The following RAP1GAP variants were observed in gnomAD, a reference collection of about 807,000 sequenced individuals.
RAP1GAP encodes RAP1 GTPase activating protein, also known as rap1 GTPase-activating protein 1.
RAP1GAP carries 35 observed loss-of-function variants against 87.2 expected under a neutral mutation model. That is an observed-to-expected ratio of 0.40 (90% CI 0.31 to 0.53). RAP1GAP has a LOEUF of 0.53. Among genes scored for constraint, RAP1GAP ranks in the 20% least tolerant of loss-of-function variants. The pLI, the probability that RAP1GAP is intolerant of heterozygous loss-of-function variation, is 0.48. For missense variants in RAP1GAP, 734 were observed against 898.9 expected (o/e 0.82, Z 2.35); for synonymous variants, 375 against 363.9 (o/e 1.03, Z -0.35).
chr1:21,620,127 C>G, intron 3 of RAP1GAP, 77 bp from the exon 4 acceptor site: 1 of 1,509,738 alleles, frequency 6.6e-7, no homozygotes, highest in Non-Finnish European at 9.2e-7. Flanking sequence ...CCCCGGCCCT[C>G]CGGGTCCCAC....
chr1:21,664,057 C>T lies in RAP1GAP; in HGVS notation c.-149+5197G>A, dbSNP rs530086683. Among the ~76,000 whole-genome samples, 193 of 152,296 alleles carry T rather than the reference C, an allele frequency of 1.3e-3. 1 individual carries two copies. Among genetic ancestry groups the T allele is most frequent in the African/African-American group, 4.2e-3 (176 of 41,562 alleles). On this transcript the variant is annotated intron_variant, in intron 1 of 24. Transcript: ENST00000374765. Reference sequence around the variant, plus strand: ...GATGGAAAGGGAGGCTCAAAGAGGCCGGGCGGCTTGCCTGAGCTCACCCAG... The same window carrying T: ...GATGGAAAGGGAGGCTCAAAGAGGCTGGGCGGCTTGCCTGAGCTCACCCAG...
At chr1:21,664,517 G>A (rs1198563743) in intron 1 of RAP1GAP, among the ~76,000 whole-genome samples, 2 of 152,040 alleles carry the variant, frequency 1.3e-5, no homozygotes, top group Non-Finnish European at 2.9e-5. Flanking sequence ...CCTTGCCCAC[G>A]CCGTAGCTGG....
At chr1:21,660,068 A>G (rs527447789) in intron 1 of RAP1GAP, among the ~76,000 whole-genome samples, 1 of 151,872 alleles carries the variant, frequency 6.6e-6, no homozygotes, top group East Asian at 2.0e-4. Context: ...TCGGGCTTGA[A>G]TGCCTTCTGG....
intron 19 of RAP1GAP, among the ~76,000 whole-genome samples, chr1:21,602,328 T>C (rs1472558297): frequency 6.6e-6 from 1 of 152,106 alleles, no homozygotes; most frequent in Non-Finnish European, 1.5e-5. Flanking sequence ...TCACACATGG[T>C]TAATATCGGG....
intron 16 of RAP1GAP, 141 bp from the exon 17 acceptor site, chr1:21,608,491 C>T (rs911275196): frequency 6.0e-6 from 7 of 1,166,012 alleles, no homozygotes; most frequent in South Asian, 4.9e-5. Context: ...GCTCCTGCAC[C>T]GCCTTCCCCC....
At chr1:21,607,932 C>T (rs561456005) in intron 17 of RAP1GAP, among the ~76,000 whole-genome samples, 1 of 151,542 alleles carries the variant, frequency 6.6e-6, no homozygotes, top group Non-Finnish European at 1.5e-5. Flanking sequence ...AGACTCTACC[C>T]GCAGGCGAGC....
At chr1:21,640,520 T>C (rs2095420956) in intron 2 of RAP1GAP, among the ~76,000 whole-genome samples, 1 of 152,098 alleles carries the variant, frequency 6.6e-6, no homozygotes, top group Non-Finnish European at 1.5e-5. Flanking sequence ...TCTATGAGTG[T>C]GAGTAGGGAA....
At chr1:21,651,637 T>G (rs760101904) in intron 1 of RAP1GAP, 3 of 847,434 alleles carry the variant, frequency 3.5e-6, no homozygotes, top group Non-Finnish European at 5.8e-6. Flanking sequence ...ATGCGCGCAC[T>G]GAGGTCAAAC....
rs55668367 is a variant in RAP1GAP, at chr1:21,600,884, C to CAAAAAAAAAAAAAAAAA, written c.1652+799_1652+800insTTTTTTTTTTTTTTTTT. Among the ~76,000 whole-genome samples, 8 of 53,016 alleles carry CAAAAAAAAAAAAAAAAA rather than the reference C, an allele frequency of 1.5e-4. 2 individuals carry two copies. The highest frequency in any genetic ancestry group is 4.7e-4 in the African/African-American group (5 of 10,700). The allele number at this position is 53,016 out of a possible 152,430, so 34.8% of individuals were successfully genotyped here. ...TGGGAGACAGAGCAAGACTCTGTCT[C>CAAAAAAAAAAAAAAAAA]AAAAAAAAAAAAAAAGTCAAAGCTC... On this transcript the variant is annotated intron_variant, in intron 20 of 24. Coordinates refer to ENST00000374765, the MANE Select transcript of RAP1GAP (RefSeq NM_002885.4).
At chr1:21,612,898 T>C in intron 10 of RAP1GAP, 1 of 483,822 alleles carries the variant, frequency 2.1e-6, no homozygotes, top group Non-Finnish European at 3.8e-6. Context: ...CTCAGGAGGG[T>C]CCCCAAACAT....
intron 22 of RAP1GAP, 98 bp downstream of exon 22, chr1:21,598,302 A>C (rs1646442908): frequency 1.7e-6 from 2 of 1,143,338 alleles, no homozygotes; most frequent in Non-Finnish European, 2.6e-6. Context: ...CAGTCACATC[A>C]CATCCACTGC....
At chr1:21,657,627 A>G (rs1373310170) in intron 1 of RAP1GAP, among the ~76,000 whole-genome samples, 1 of 152,136 alleles carries the variant, frequency 6.6e-6, no homozygotes, top group African/African-American at 2.4e-5. Flanking sequence ...CTCCACTGCT[A>G]TGGGCGTGGC....
chr1:21,666,649 C>T (rs539496852), intron 1 of RAP1GAP, among the ~76,000 whole-genome samples: 65 of 152,218 alleles, frequency 4.3e-4, no homozygotes, highest in African/African-American at 1.5e-3. Flanking sequence ...CGGGGGCCTC[C>T]ACTCCCCTCC....
intron 19 of RAP1GAP, among the ~76,000 whole-genome samples, chr1:21,602,012 C>T (rs1178560177): frequency 6.6e-6 from 1 of 152,228 alleles, no homozygotes; most frequent in African/African-American, 2.4e-5. Flanking sequence ...CAGGATGGGA[C>T]TCCTCCCAGG....
chr1:21,601,575 C>A (rs890426726), intron 20 of RAP1GAP, 109 bp downstream of exon 20: 6 of 733,706 alleles, frequency 8.2e-6, no homozygotes, highest in Non-Finnish European at 1.2e-5. Flanking sequence ...CCCTGACACC[C>A]TGCTGTGGCA....
At chr1:21,627,026 C>T in intron 2 of RAP1GAP, 1 of 456,512 alleles carries the variant, frequency 2.2e-6, no homozygotes, top group Non-Finnish European at 4.4e-6. Context: ...TGAGTCTAAG[C>T]CCGGACTCTC....
intron 2 of RAP1GAP, among the ~76,000 whole-genome samples, chr1:21,627,922 G>A (rs2092735453): frequency 6.6e-6 from 1 of 152,180 alleles, no homozygotes; most frequent in African/African-American, 2.4e-5. Flanking sequence ...GCATCAGTGT[G>A]GGGGAGATAG....
Position 21,634,480 on chromosome 1 carries a change from G to A in RAP1GAP, c.-112-8083C>T, listed in dbSNP as rs1236207578. ...AGAGGCTTAGTGAGGTTTATGATGG[G>A]CCAAGGGCCTCAACAGCTACCAAGT... On this transcript the variant is annotated intron_variant, in intron 2 of 24. Coordinates refer to ENST00000374765, the MANE Select transcript of RAP1GAP (RefSeq NM_002885.4). This position sits in a 1 kb window ranked among gnomAD's most constrained non-coding sequence, Gnocchi z 4.1. Among the ~76,000 whole-genome samples the A allele has an allele frequency of 6.6e-6, 1 of 152,210 alleles. No homozygotes were observed. Among genetic ancestry groups the A allele is most frequent in the African/African-American group, 2.4e-5 (1 of 41,466 alleles).
intron 3 of RAP1GAP, 91 bp from the exon 4 acceptor site, chr1:21,620,141 C>G: frequency 7.1e-7 from 1 of 1,403,782 alleles, no homozygotes; most frequent in Non-Finnish European, 1.0e-6. Flanking sequence ...GTCCCACCAG[C>G]TCTGATCAGT....
Sources: allele counts gnomAD v4.1 joint callset (sites outside exome capture counted in the v4.1 genomes callset), GRCh38; gene constraint gnomAD v4.1.1; non-coding constraint Gnocchi (gnomAD v3.1); transcripts MANE v1.5; gene names NCBI Gene and HGNC (gene_info 2026-07-23, HGNC 2026-07-21).